Variants in SGIP1 observed in about 807,000 individuals in gnomAD.
SGIP1 encodes SH3GL interacting endocytic adaptor 1.
SGIP1 carries 38 observed loss-of-function variants against 107.5 expected under a neutral mutation model. The ratio of observed to expected loss-of-function variants is 0.35; its 90% CI spans 0.27 to 0.46. The LOEUF is 0.46. SGIP1 is among the 20% of genes least tolerant of loss of function. The probability of loss-of-function intolerance (pLI) is 1.00; values close to 1 mark genes in which losing one functional copy is unlikely to be tolerated. For synonymous variants in SGIP1, 365 were observed against 366.1 expected (o/e 1.00, Z 0.03); for missense variants, 929 against 1,019.5 (o/e 0.91, Z 1.21).
chr1:66,711,813 T>C (rs1300854349), intron 18 of SGIP1, among the ~76,000 whole-genome samples: 1 of 152,188 alleles, frequency 6.6e-6, no homozygotes, highest in Non-Finnish European at 1.5e-5. Context: ...TCAGGGTGAC[T>C]GTTTCCAACC....
At chr1:66,675,541 CT>C (rs71242802) in intron 12 of SGIP1, among the ~76,000 whole-genome samples, 100 of 112,362 alleles carry the variant, frequency 8.9e-4, no homozygotes, top group Admixed American at 1.3e-3. Context: ...CTTTTTCTTT[CT>C]TTTTTTTTTT....
chr1:66,702,368 A>C (rs2092017482), intron 18 of SGIP1, among the ~76,000 whole-genome samples: 1 of 152,160 alleles, frequency 6.6e-6, no homozygotes, highest in Non-Finnish European at 1.5e-5. Context: ...TGGTTGTGCC[A>C]CTCAATAACC....
intron 14 of SGIP1, among the ~76,000 whole-genome samples, chr1:66,681,173 A>G (rs1390235799): frequency 6.6e-6 from 1 of 152,206 alleles, no homozygotes; most frequent in Non-Finnish European, 1.5e-5. Context: ...AATAAGTAGC[A>G]AATGCCTCCT....
intron 8 of SGIP1, among the ~76,000 whole-genome samples, chr1:66,661,696 T>G (rs1205203200): frequency 6.6e-6 from 1 of 152,176 alleles, no homozygotes; most frequent in Non-Finnish European, 1.5e-5. Context: ...TTTACCAATT[T>G]CATTTATTCT....
chr1:66,595,444 T>C (rs762764307), intron 1 of SGIP1, among the ~76,000 whole-genome samples: 4 of 152,250 alleles, frequency 2.6e-5, no homozygotes, highest in Non-Finnish European at 4.4e-5. Flanking sequence ...TCCCTGCTTA[T>C]AGCTGAAAAC....
chr1:66,731,260 G>A (rs1053147239), intron 20 of SGIP1, among the ~76,000 whole-genome samples: 6 of 152,092 alleles, frequency 3.9e-5, no homozygotes, highest in Admixed American at 2.0e-4. Flanking sequence ...GGTTGTGCAC[G>A]TTGAGCCAGT....
At position 66,749,765 on chromosome 1, in the gene SGIP1, A is replaced by G. The variant is rs908910905; in HGVS notation, c.*6670A>G. Among the ~76,000 whole-genome samples, 1 of 152,018 alleles carries G rather than the reference A, an allele frequency of 6.6e-6. No individual in the cohort carries two copies. The highest frequency in any genetic ancestry group is 6.6e-5 in the Admixed American group (1 of 15,264). On this transcript the variant is annotated 3_prime_UTR_variant, in exon 25 of 25. Transcript: ENST00000371037. ...ACTTTTATGAATTTTTTTTCTCGCA[A>G]AGTAAATGCTTGATGTTATTCATTC...
intron 1 of SGIP1, among the ~76,000 whole-genome samples, chr1:66,625,000 T>C (rs183739661): frequency 2.0e-5 from 3 of 152,252 alleles, no homozygotes; most frequent in Admixed American, 2.0e-4. Flanking sequence ...AAATCACAAA[T>C]ATTATCTGGA....
chr1:66,571,852 A>G (rs2060426924), intron 1 of SGIP1, among the ~76,000 whole-genome samples: 1 of 151,966 alleles, frequency 6.6e-6, no homozygotes, highest in African/African-American at 2.4e-5. Flanking sequence ...TCCCATTCCC[A>G]CTGTCCAGAA....
intron 18 of SGIP1, among the ~76,000 whole-genome samples, chr1:66,706,575 AT>A (rs1234960037): frequency 6.6e-6 from 1 of 151,340 alleles, no homozygotes; most frequent in African/African-American, 2.4e-5. Context: ...AAAAGGAAAA[AT>A]GTAGAAATCT....
At chr1:66,681,411 G>C (rs1048268701) in intron 14 of SGIP1, among the ~76,000 whole-genome samples, 1 of 152,048 alleles carries the variant, frequency 6.6e-6, no homozygotes, top group African/African-American at 2.4e-5. Flanking sequence ...AAAATGTGAG[G>C]CCAACTTTGA....
chr1:66,729,242 T>C (rs1271341908), intron 19 of SGIP1, 22 bp from the exon 20 acceptor site: 1 of 1,613,226 alleles, frequency 6.2e-7, no homozygotes, highest in Non-Finnish European at 8.5e-7. Flanking sequence ...CTCTCTTTCC[T>C]CTCTGTGTTT....
At chr1:66,636,506 C>T (rs1276527435) in intron 4 of SGIP1, among the ~76,000 whole-genome samples, 1 of 152,190 alleles carries the variant, frequency 6.6e-6, no homozygotes, top group African/African-American at 2.4e-5. Flanking sequence ...CCGTGTTGTA[C>T]ATTATGGTAG....
At chr1:66,678,080 A>G (rs1308965840) in intron 13 of SGIP1, among the ~76,000 whole-genome samples, 3 of 152,220 alleles carry the variant, frequency 2.0e-5, no homozygotes, top group Non-Finnish European at 2.9e-5. Flanking sequence ...GAAAAACATC[A>G]TTATCAACAA....
At chr1:66,635,878 T>A (rs910366660) in intron 3 of SGIP1, 66 bp from the exon 4 acceptor site, 1 of 1,501,488 alleles carries the variant, frequency 6.7e-7, no homozygotes, top group Non-Finnish European at 9.2e-7. Context: ...TAATTCTTTA[T>A]ATGTGTCTTG....
At chr1:66,684,400 A>G (rs533241198) in intron 15 of SGIP1, among the ~76,000 whole-genome samples, 37 of 152,286 alleles carry the variant, frequency 2.4e-4, no homozygotes, top group South Asian at 1.5e-3. Context: ...CCATCCCTCT[A>G]TTGTTCTTTC....
chr1:66,702,679 A>G (rs568592032), intron 18 of SGIP1, among the ~76,000 whole-genome samples: 28 of 152,306 alleles, frequency 1.8e-4, no homozygotes, highest in Admixed American at 1.7e-3. Flanking sequence ...GACTATACTT[A>G]GAAGCTTCTT....
chr1:66,653,732 CA>C (rs1428589683), intron 7 of SGIP1, among the ~76,000 whole-genome samples: 1 of 152,126 alleles, frequency 6.6e-6, no homozygotes, highest in Non-Finnish European at 1.5e-5. Context: ...GTAGAAGTAG[CA>C]AATTATTGAA....
At chr1:66,566,999 A>T (rs2059742641) in intron 1 of SGIP1, among the ~76,000 whole-genome samples, 1 of 152,048 alleles carries the variant, frequency 6.6e-6, no homozygotes, top group South Asian at 2.1e-4. Flanking sequence ...GCTGAGGATG[A>T]TGGCTCCCAG....
Sources: gnomAD v4.1 joint callset for allele counts (sites outside exome capture counted in the v4.1 genomes callset) on GRCh38, gnomAD v4.1.1 for gene constraint, MANE v1.5 for transcripts, NCBI Gene and HGNC (gene_info 2026-07-23, HGNC 2026-07-21) for gene names.